Variants in CEP83 observed in about 807,000 individuals in gnomAD.
CEP83 encodes centrosomal protein of 83 kDa.
CEP83 carries 70 observed loss-of-function variants against 101.9 expected under a neutral mutation model. That is an observed-to-expected ratio of 0.69 (90% confidence interval 0.57 to 0.84). The LOEUF is 0.84. Among genes scored for constraint, CEP83 ranks in the 40% least tolerant of loss-of-function variants. CEP83 has a pLI of 0.00. For synonymous variants in CEP83, 264 were observed against 267.9 expected (o/e 0.99, Z 0.14); for missense variants, 715 against 787.2 (o/e 0.91, Z 1.10).
intron 14 of CEP83, among the ~76,000 whole-genome samples, chr12:94,326,901 C>T (rs2136432348): frequency 6.6e-6 from 1 of 152,298 alleles, no homozygotes; most frequent in East Asian, 1.9e-4. Flanking sequence ...GATTTCTAGG[C>T]TCCAGAACTG....
chr12:94,312,500 G>A (rs1251071294), intron 15 of CEP83: 3 of 724,982 alleles, frequency 4.1e-6, no homozygotes, highest in African/African-American at 3.8e-5. Flanking sequence ...ATTATCAGAT[G>A]TGCTTGAATG....
the CEP83 span, chr12:94,282,477 C>T: frequency 3.2e-6 from 3 of 942,928 alleles, no homozygotes; most frequent in South Asian, 4.2e-5. Context: ...TTAAAACATC[C>T]AGGACTCCCA....
chr12:94,308,547 C>A lies in CEP83; in HGVS notation c.*266G>T. 4.1e-6 allele frequency: 1 copy of A among 241,702 alleles called. No homozygotes were observed. Among genetic ancestry groups the A allele is most frequent in the East Asian group, 9.4e-5 (1 of 10,688 alleles). The allele number at this position is 241,702 out of a possible 1,614,324, so 15.0% of individuals were successfully genotyped here. ...ACAAAGTAAAAATTTTAAAACTTGA[C>A]TCTAACTAGTTCCTTTTTGTTTTAC... On this transcript the variant is annotated 3_prime_UTR_variant, in exon 17 of 17. Transcript: ENST00000397809.
intron 5 of CEP83, 123 bp downstream of exon 5, chr12:94,403,047 C>T (rs1480441879): frequency 7.1e-6 from 4 of 566,168 alleles, no homozygotes; most frequent in Non-Finnish European, 1.2e-5. Context: ...GCCTTAGAGG[C>T]CACTGCAATG....
rs555841727 is a variant in CEP83 at position 94,423,086 on chromosome 12, A to AT, written c.-101-10496dup. Among the ~76,000 whole-genome samples, 488 of 146,286 alleles carry AT rather than the reference A, an allele frequency of 3.3e-3. 2 individuals carry two copies. The highest frequency in any genetic ancestry group is 5.8e-3 in the Admixed American group (85 of 14,618). ...CTATTCCAACCAAAAACATATGAGA[A>AT]TTTTTTTTTTTTTCTGAGATGGAGT... On this transcript the variant is annotated intron_variant, in intron 2 of 16. Transcript: ENST00000397809.
chr12:94,333,418 T>C, intron 13 of CEP83, 64 bp downstream of exon 13: 1 of 1,397,950 alleles, frequency 7.2e-7, no homozygotes, highest in Non-Finnish European at 9.8e-7. Context: ...GAATCATTAC[T>C]AAAATAAGTA....
chr12:94,435,622 C>T (rs529220028), intron 1 of CEP83, among the ~76,000 whole-genome samples: 1 of 152,274 alleles, frequency 6.6e-6, no homozygotes, highest in South Asian at 2.1e-4. Context: ...GATTATATCC[C>T]CCTTCTACTA....
chr12:94,333,429 C>A, intron 13 of CEP83, 53 bp downstream of exon 13: 1 of 1,466,196 alleles, frequency 6.8e-7, no homozygotes, highest in South Asian at 1.2e-5. Context: ...AAAATAAGTA[C>A]ATGTTATATA....
intron 2 of CEP83, among the ~76,000 whole-genome samples, chr12:94,419,311 GCAA>G (rs2064534213): frequency 6.6e-6 from 1 of 151,818 alleles, no homozygotes; most frequent in Non-Finnish European, 1.5e-5. Flanking sequence ...AAAAAGATGT[GCAA>G]ACTATTTATT....
intron 4 of CEP83, among the ~76,000 whole-genome samples, chr12:94,409,916 C>T (rs781254070): frequency 3.3e-5 from 5 of 152,096 alleles, no homozygotes; most frequent in Non-Finnish European, 5.9e-5. Context: ...ATGACCTCAT[C>T]AGCTTAACTA....
At chr12:94,312,870 A>C (rs771954253) in intron 15 of CEP83, 44 bp downstream of exon 15, 12 of 1,285,214 alleles carry the variant, frequency 9.3e-6, no homozygotes, top group Non-Finnish European at 1.1e-5. Context: ...GTTCTATGAC[A>C]TCAAAATAAC....
At position 94,357,496 on chromosome 12, in the gene CEP83, G is replaced by A. The variant is rs546125696; in HGVS notation, c.1343+10298C>T. Among the ~76,000 whole-genome samples, 12 of 152,294 alleles carry A rather than the reference G, an allele frequency of 7.9e-5. No individual in the cohort carries two copies. In the South Asian group the frequency reaches 2.1e-3, roughly 26 times the overall value. On this transcript the variant is annotated intron_variant, in intron 11 of 16. Coordinates refer to ENST00000397809, the MANE Select transcript of CEP83 (RefSeq NM_016122.3). ...CTAAGTTTGATAAAGAAGGGAATCC[G>A]ATTTCGGGAAATGCCATGAGGGAGC... is the stretch of plus-strand genomic sequence containing the variant.
At chr12:94,268,100 G>A in the CEP83 span, among the ~76,000 whole-genome samples, 1 of 152,094 alleles carries the variant, frequency 6.6e-6, no homozygotes, top group South Asian at 2.1e-4. Context: ...GCCAAGGCAG[G>A]GACACGTTTG....
intron 2 of CEP83, 88 bp from the exon 3 acceptor site, chr12:94,412,679 ATTCT>A (rs2063962059): frequency 1.3e-5 from 5 of 387,872 alleles, no homozygotes; most frequent in Non-Finnish European, 2.2e-5. Flanking sequence ...CACTTTTATT[ATTCT>A]TTTTTTTTTC....
chr12:94,330,692 T>C (rs1197892463), intron 14 of CEP83, among the ~76,000 whole-genome samples: 3 of 152,128 alleles, frequency 2.0e-5, no homozygotes, highest in Non-Finnish European at 4.4e-5. Context: ...ACAAAAGCAA[T>C]AAAACAGATA....
Position 94,310,080 on chromosome 12 carries a change from T to A in CEP83, c.1839A>T (p.Thr613=). Residue 613 remains threonine, a synonymous_variant, in exon 16 of 17, where the codon ACA becomes ACT. Transcript: ENST00000397809. ...NRQNVPFEDY[T]RLQKRLKDIQ... is the part of the protein sequence containing the mutation. ...TATCTTTTAGTCTTTTTTGAAGCCT[T>A]GTATAGTCTTCAAAAGGAACATTTT... 2 of 1,584,242 alleles carry A rather than the reference T, an allele frequency of 1.3e-6. No homozygotes were observed. The highest frequency in any genetic ancestry group is 1.1e-5 in the South Asian group (1 of 88,982).
chr12:94,411,638 C>T, intron 4 of CEP83, 59 bp downstream of exon 4: 1 of 1,325,130 alleles, frequency 7.5e-7, no homozygotes. Flanking sequence ...AAACTACTTA[C>T]TTCCACTACG....
At chr12:94,301,077 T>C in the CEP83 span, 2 of 1,611,152 alleles carry the variant, frequency 1.2e-6, no homozygotes, top group South Asian at 2.2e-5. Flanking sequence ...AGCTTGAGTA[T>C]TTCTTGTATG....
At chr12:94,416,377 C>A (rs527490398) in intron 2 of CEP83, among the ~76,000 whole-genome samples, 1 of 151,988 alleles carries the variant, frequency 6.6e-6, no homozygotes, top group East Asian at 1.9e-4. Context: ...CCTGGGTTTT[C>A]TTTTTCATAT....
Sources: gnomAD v4.1 joint callset for allele counts (sites outside exome capture counted in the v4.1 genomes callset) on GRCh38, gnomAD v4.1.1 for gene constraint, MANE v1.5 for transcripts, NCBI Gene and HGNC (gene_info 2026-07-23, HGNC 2026-07-21) for gene names.